The following GRID2 variants were observed in gnomAD, a reference collection of about 807,000 sequenced individuals.
GRID2 encodes glutamate receptor ionotropic, delta-2.
GRID2 carries 33 observed loss-of-function variants against 114.8 expected under a neutral mutation model. That is an observed-to-expected ratio of 0.29 (90% CI 0.22 to 0.38). The LOEUF (loss-of-function observed/expected upper bound fraction) is 0.38. Among genes scored for constraint, GRID2 ranks in the 10% least tolerant of loss-of-function variants. GRID2 has a pLI of 1.00. For synonymous variants in GRID2, 505 were observed against 449.9 expected (o/e 1.12, Z -1.55); for missense variants, 1,184 against 1,257.7 (o/e 0.94, Z 0.89).
At chr4:93,745,079 A>G (rs1181909864) in intron 14 of GRID2, among the ~76,000 whole-genome samples, 1 of 152,200 alleles carries the variant, frequency 6.6e-6, no homozygotes, top group Admixed American at 6.5e-5. Context: ...TTTTGTATGT[A>G]CTGGGAAAAC....
At chr4:93,677,208 TG>T (rs1231057964) in intron 14 of GRID2, among the ~76,000 whole-genome samples, 1 of 152,078 alleles carries the variant, frequency 6.6e-6, no homozygotes, top group Non-Finnish European at 1.5e-5. Context: ...AACTGCAAGG[TG>T]GCAGTGAGGC....
At chr4:92,315,943 CT>C (rs1725946214) in intron 1 of GRID2, among the ~76,000 whole-genome samples, 1 of 139,072 alleles carries the variant, frequency 7.2e-6, no homozygotes, top group Admixed American at 7.7e-5. Context: ...GCACTCCAGC[CT>C]GGGCAACAAG....
At chr4:92,942,158 T>G (rs1458385523) in intron 2 of GRID2, among the ~76,000 whole-genome samples, 1 of 152,182 alleles carries the variant, frequency 6.6e-6, no homozygotes, top group African/African-American at 2.4e-5. Flanking sequence ...TGTCTAATGT[T>G]GACAGTGGGG....
intron 1 of GRID2, among the ~76,000 whole-genome samples, chr4:92,577,956 G>A (rs1727976813): frequency 2.0e-5 from 3 of 152,030 alleles, no homozygotes. Flanking sequence ...AAGTCTCAGT[G>A]AGAATCTCAC....
At chr4:93,065,146 T>G (rs1222425894) in intron 2 of GRID2, among the ~76,000 whole-genome samples, 1 of 151,874 alleles carries the variant, frequency 6.6e-6, no homozygotes, top group Non-Finnish European at 1.5e-5. Context: ...TTGTTTGCAT[T>G]TTTTACTTAT....
At chr4:92,479,630 G>T (rs964348266) in intron 1 of GRID2, among the ~76,000 whole-genome samples, 1 of 152,114 alleles carries the variant, frequency 6.6e-6, no homozygotes, top group Non-Finnish European at 1.5e-5. Context: ...TTTTGAAAAT[G>T]AAAGAGATAG....
rs557694785 is a variant in GRID2 at position 93,728,911 on chromosome 4, A to G, written c.2361-40299A>G. Among the ~76,000 whole-genome samples the G allele has an allele frequency of 3.0e-3, 453 of 152,242 alleles. 2 individuals are homozygous for G. Among genetic ancestry groups the G allele is most frequent in the Middle Eastern group, 6.8e-3 (2 of 294 alleles). ...ATGTGAGATGGGTTTGCTGAATACA[A>G]CACACTGATGGGTATTGACTCTTTT... On this transcript the variant is annotated intron_variant, in intron 14 of 15. Transcript: ENST00000282020.
At position 92,769,863 on chromosome 4, in the gene GRID2, G is replaced by A. The variant is rs191817796; in HGVS notation, c.244+179577G>A. ...CTCTTAGGCCTTCAGGCCTGTGATGGGAAGGGCTACTGTGAAGGCCTCTGA... is the reference window on the plus strand; with the variant it reads ...CTCTTAGGCCTTCAGGCCTGTGATGAGAAGGGCTACTGTGAAGGCCTCTGA... On this transcript the variant is annotated intron_variant, in intron 2 of 15. Transcript: ENST00000282020. Among the ~76,000 whole-genome samples the A allele has an allele frequency of 4.6e-3, 706 of 152,256 alleles. 9 individuals are homozygous for A. Among genetic ancestry groups the A allele is most frequent in the African/African-American group, 0.016 (666 of 41,556 alleles).
chr4:92,942,012 G>T (rs1751181949), intron 2 of GRID2, among the ~76,000 whole-genome samples: 2 of 152,158 alleles, frequency 1.3e-5, no homozygotes, highest in African/African-American at 4.8e-5. Flanking sequence ...TTTGGAATAG[G>T]TGTGGTGTGG....
At chr4:93,606,871 G>A (rs764423388) in intron 13 of GRID2, among the ~76,000 whole-genome samples, 1 of 151,928 alleles carries the variant, frequency 6.6e-6, no homozygotes, top group Admixed American at 6.6e-5. Flanking sequence ...GTTAATGATG[G>A]TATTTAAAAA....
At chr4:93,751,738 C>G (rs1732332785) in intron 14 of GRID2, among the ~76,000 whole-genome samples, 1 of 152,116 alleles carries the variant, frequency 6.6e-6, no homozygotes, top group African/African-American at 2.4e-5. Context: ...GAGAGGTTAG[C>G]GAAAACACGG....
intron 11 of GRID2, among the ~76,000 whole-genome samples, chr4:93,468,538 G>A (rs142810812): frequency 1.2e-4 from 18 of 152,190 alleles, no homozygotes; most frequent in African/African-American, 4.3e-4. Context: ...AGGATAGGAA[G>A]GAATATACTT....
chr4:93,578,787 G>T (rs1196073678), intron 13 of GRID2, among the ~76,000 whole-genome samples: 1 of 151,966 alleles, frequency 6.6e-6, no homozygotes, highest in Non-Finnish European at 1.5e-5. Flanking sequence ...TAGAGACAGG[G>T]TTTCACCATG....
intron 2 of GRID2, among the ~76,000 whole-genome samples, chr4:92,879,793 T>C (rs1330978092): frequency 6.6e-6 from 1 of 152,266 alleles, no homozygotes; most frequent in East Asian, 1.9e-4. Context: ...ATGCAATGTT[T>C]CTATGTTAAT....
intron 13 of GRID2, among the ~76,000 whole-genome samples, chr4:93,603,461 C>T (rs1739902333): frequency 6.6e-6 from 1 of 152,146 alleles, no homozygotes. Context: ...GAAGCCGTCT[C>T]CATAAAATGA....
chr4:92,836,258 G>A (rs1285712430), intron 2 of GRID2, among the ~76,000 whole-genome samples: 1 of 152,024 alleles, frequency 6.6e-6, no homozygotes, highest in Admixed American at 6.6e-5. Context: ...GTGGATTATA[G>A]CTATTGATTT....
At chr4:93,366,455 T>A (rs2149283478) in intron 8 of GRID2, among the ~76,000 whole-genome samples, 1 of 152,196 alleles carries the variant, frequency 6.6e-6, no homozygotes, top group Non-Finnish European at 1.5e-5. Context: ...CACTGGTTGA[T>A]CTCTCAAAAC....
At chr4:93,448,907 T>TC (rs375658261) in intron 10 of GRID2, among the ~76,000 whole-genome samples, 201 of 11,802 alleles carry the variant, frequency 0.017, 54 homozygotes, top group African/African-American at 0.051. Flanking sequence ...CCCCTTCCCT[T>TC]CCCTTCCCTT....
intron 1 of GRID2, among the ~76,000 whole-genome samples, chr4:92,334,527 G>A (rs867906190): frequency 1.8e-4 from 28 of 152,002 alleles, no homozygotes; most frequent in African/African-American, 5.6e-4. Context: ...ATCATCCCAC[G>A]GCAGAAGGCA....
Sources: gnomAD v4.1 joint callset for allele counts (sites outside exome capture counted in the v4.1 genomes callset) on GRCh38, gnomAD v4.1.1 for gene constraint, MANE v1.5 for transcripts, NCBI Gene and HGNC (gene_info 2026-07-23, HGNC 2026-07-21) for gene names.